The following CLRN1 variants were observed in gnomAD, a reference collection of about 807,000 sequenced individuals.
CLRN1 encodes the protein clarin-1.
CLRN1 carries 15 observed loss-of-function variants against 18.7 expected under a neutral mutation model. That is an observed-to-expected ratio of 0.80 (90% CI 0.54 to 1.23). The LOEUF (loss-of-function observed/expected upper bound fraction) is 1.23. Among genes scored for constraint, CLRN1 ranks in the 50% most tolerant of loss-of-function variants. The pLI is 0.00. For synonymous variants in CLRN1, 104 were observed against 102.9 expected (o/e 1.01, Z -0.07); for missense variants, 311 against 277.5 (o/e 1.12, Z -0.86).
In CLRN1 at chr3:150,927,051, A is replaced by G; in HGVS notation, c.*885T>C. ...ACTATAGCTAGAAAAACAGCCCCTA[A>G]TAAGTCATTTTGCATCAAATGTACT... On this transcript the variant is annotated 3_prime_UTR_variant, in exon 3 of 3. Coordinates refer to ENST00000327047, the MANE Select transcript of CLRN1 (RefSeq NM_174878.3). The G allele has an allele frequency of 3.6e-6, 4 of 1,113,300 alleles. No individual in the cohort carries two copies. Among genetic ancestry groups the G allele is most frequent in the East Asian group, 2.6e-5 (1 of 38,928 alleles). The allele number at this position is 1,113,300 out of a possible 1,614,324, so 69.0% of individuals were successfully genotyped here. A position where few individuals can be genotyped will look rare whatever the true frequency, so the allele number is the denominator to read the frequency against.
At chr3:150,926,387 G>C (rs1462005297), downstream of CLRN1, 1 of 268,420 alleles carries the variant, frequency 3.7e-6, no homozygotes, top group African/African-American at 2.2e-5. Context: ...CGCAGGAGAC[G>C]GTCCTTGTCC....
At chr3:150,943,089 C>G (rs561200609) in intron 1 of CLRN1, among the ~76,000 whole-genome samples, 2 of 152,070 alleles carry the variant, frequency 1.3e-5, no homozygotes, top group Non-Finnish European at 2.9e-5. Context: ...AAGAACTGTC[C>G]GGGTGAATTA....
In CLRN1 at chr3:150,927,778, T is replaced by C. The variant is rs571983648; in HGVS notation, c.*158A>G. On this transcript the variant is annotated 3_prime_UTR_variant, in exon 3 of 3. Transcript: ENST00000327047. ...AAAGCCTTCCTTCTGCTTCCCTTACTTTCCAGCCTGTATCCTTAGTACGTA... is the reference window on the plus strand; with the variant it reads ...AAAGCCTTCCTTCTGCTTCCCTTACCTTCCAGCCTGTATCCTTAGTACGTA... 1 of 998,158 alleles carries C rather than the reference T, an allele frequency of 1.0e-6. No homozygotes were observed. Among genetic ancestry groups the C allele is most frequent in the Admixed American group, 2.0e-5 (1 of 50,710 alleles). 61.8% of individuals were successfully genotyped at this position (998,158 alleles called of 1,614,324 possible). A position where few individuals can be genotyped will look rare whatever the true frequency, so the allele number is the denominator to read the frequency against.
In CLRN1 at chr3:150,928,149, A is replaced by T. The variant is rs1269550903; in HGVS notation, c.486T>A (p.His162Gln). Residue 162 changes from histidine (H) to glutamine (Q), a missense_variant, in exon 3 of 3, where the codon CAT (histidine) becomes CAA (glutamine). His to Gln is a conservative substitution (Grantham distance 24, BLOSUM62 0). Coordinates refer to ENST00000327047, the MANE Select transcript of CLRN1 (RefSeq NM_174878.3). ...MILFASEVKI[H>Q]HLSEKIANYK... is the part of the protein sequence containing the mutation. ...AATTTGCAATTTTTTCTGAGAGGTG[A>T]TGGATTTTCACTTCAGAGGCAAACA... 1 of 1,613,802 alleles carries T rather than the reference A, an allele frequency of 6.2e-7. No individual in the cohort carries two copies. The highest frequency in any genetic ancestry group is 1.3e-5 in the African/African-American group (1 of 74,994).
At chr3:150,933,229 C>T (rs1713255813) in intron 2 of CLRN1, among the ~76,000 whole-genome samples, 1 of 152,072 alleles carries the variant, frequency 6.6e-6, no homozygotes, top group African/African-American at 2.4e-5. Context: ...CTAAATGAAA[C>T]AGGTACAAAT....
rs1714496046 is a variant in CLRN1, at chr3:150,951,793, G to A, written c.254-10032C>T. Among the ~76,000 whole-genome samples the A allele has an allele frequency of 4.6e-5, 7 of 152,264 alleles. No individual in the cohort carries two copies. The South Asian group carries it at 1.5e-3, about 32-fold the overall frequency. ...AACACTTCACATGGCCAGAGTAGGA[G>A]AAAGAGAGAGAGGGGAGGTGCCACA... On this transcript the variant is annotated intron_variant, in intron 1 of 2. Coordinates refer to ENST00000327047, the MANE Select transcript of CLRN1 (RefSeq NM_174878.3).
intron 2 of CLRN1, among the ~76,000 whole-genome samples, chr3:150,936,157 T>C (rs1462522258): frequency 6.6e-6 from 1 of 152,204 alleles, no homozygotes; most frequent in Admixed American, 6.5e-5. Context: ...ATCCCATTTG[T>C]CAATTTTGGC....
chr3:150,927,030 T>C lies in CLRN1; in HGVS notation c.*906A>G, dbSNP rs747413984. On this transcript the variant is annotated 3_prime_UTR_variant, in exon 3 of 3. Coordinates refer to ENST00000327047, the MANE Select transcript of CLRN1 (RefSeq NM_174878.3). The stretch of plus-strand genomic sequence containing the variant: ...TTGCATATTAGTACTCGAGACACTA[T>C]AGCTAGAAAAACAGCCCCTAATAAG... The C allele has an allele frequency of 1.5e-6, 2 of 1,367,914 alleles. No homozygotes were observed. The highest frequency in any genetic ancestry group is 2.5e-5 in the East Asian group (1 of 40,068). 84.7% of individuals were successfully genotyped at this position (1,367,914 alleles called of 1,614,324 possible).
chr3:150,943,821 T>G lies in CLRN1; in HGVS notation c.254-2060A>C, dbSNP rs147904521. The G allele has an allele frequency of 1.4e-5, 22 of 1,614,044 alleles. No individual in the cohort carries two copies. The highest frequency in any genetic ancestry group is 3.4e-6 in the Non-Finnish European group (4 of 1,180,034). On this transcript the variant is annotated intron_variant, in intron 1 of 2. Transcript: ENST00000327047. ...CCCTGGGGTTGCAGGCACCCCTACC[T>G]GGTTGCTGCTGCAGGGCCTGCATGG... is the stretch of plus-strand genomic sequence containing the variant.
intron 2 of CLRN1, chr3:150,940,653 T>C: frequency 1.3e-6 from 1 of 784,852 alleles, no homozygotes; most frequent in Non-Finnish European, 2.0e-6. Context: ...GACAAAGTGT[T>C]GGATCTTTTT....
chr3:150,948,502 A>G (rs975229978), intron 1 of CLRN1, among the ~76,000 whole-genome samples: 10 of 149,816 alleles, frequency 6.7e-5, no homozygotes, highest in Non-Finnish European at 1.2e-4. Flanking sequence ...AAAAAAAAAA[A>G]AAAAAAAGAA....
rs186538112 is a variant in CLRN1, at chr3:150,969,985, C to G, written c.253+2471G>C. On this transcript the variant is annotated intron_variant, in intron 1 of 2. Transcript: ENST00000327047. Reference sequence around the variant, plus strand: ...AGTTACCTTTTCCATTCCTCTTACACTGGTAAGATTCTGTGAATTCAAATG... The same window carrying G: ...AGTTACCTTTTCCATTCCTCTTACAGTGGTAAGATTCTGTGAATTCAAATG... 7.0e-3 allele frequency among the ~76,000 whole-genome samples: 1,069 copies of G among 152,176 alleles called. 11 individuals carry two copies. Among genetic ancestry groups the G allele is most frequent in the South Asian group, 0.032 (155 of 4,816 alleles).
chr3:150,934,672 G>A (rs1455970597), intron 2 of CLRN1, among the ~76,000 whole-genome samples: 1 of 151,948 alleles, frequency 6.6e-6, no homozygotes, highest in Non-Finnish European at 1.5e-5. Context: ...CCATCAACTG[G>A]GAAACACCTA....
Position 150,951,529 on chromosome 3 carries a change from G to C in CLRN1, c.254-9768C>G, listed in dbSNP as rs1576638267. Among the ~76,000 whole-genome samples, 3 of 152,178 alleles carry C rather than the reference G, an allele frequency of 2.0e-5. 1 individual carries two copies. Among genetic ancestry groups the C allele is most frequent in the African/African-American group, 7.2e-5 (3 of 41,514 alleles). On this transcript the variant is annotated intron_variant, in intron 1 of 2. Transcript: ENST00000327047. The stretch of plus-strand genomic sequence containing the variant: ...ATTTTTATATTTTCAGTAGAGATGG[G>C]GTTTCACCATGTTGGCCAGGCTGGT...
intron 2 of CLRN1, among the ~76,000 whole-genome samples, chr3:150,931,844 A>G (rs1347014940): frequency 6.6e-6 from 1 of 152,146 alleles, no homozygotes; most frequent in Non-Finnish European, 1.5e-5. Flanking sequence ...GTGTCTGTCT[A>G]TCTGACCAAC....
rs121908140 is a variant in CLRN1, at chr3:150,928,107, A to C, written c.528T>G (p.Tyr176Ter). Reference sequence around the variant, plus strand: ...ATTTTTCACTTTGCGTTTTGTAGACATAAGTCCCTTCTTTATAATTTGCAA... The same window carrying C: ...ATTTTTCACTTTGCGTTTTGTAGACCTAAGTCCCTTCTTTATAATTTGCAA... Reference protein sequence around the residue: ...EKIANYKEGTYVYKTQSEKYT... With the variant: ...EKIANYKEGT Residue 176 changes from tyrosine (Y) to a stop codon, truncating the protein, a stop_gained, in exon 3 of 3, where the codon TAT becomes TAG. Coordinates refer to ENST00000327047, the MANE Select transcript of CLRN1 (RefSeq NM_174878.3). LOFTEE classifies it high-confidence loss of function. The C allele has an allele frequency of 2.8e-4, 453 of 1,613,604 alleles. 2 individuals are homozygous for C. The highest frequency in any genetic ancestry group is 5.2e-5 in the Non-Finnish European group (61 of 1,179,916).
At chr3:150,961,088 T>C (rs1042994876) in intron 1 of CLRN1, among the ~76,000 whole-genome samples, 1 of 152,204 alleles carries the variant, frequency 6.6e-6, no homozygotes, top group Non-Finnish European at 1.5e-5. Context: ...AAGACCTTCA[T>C]GAAAATGGAA....
At chr3:150,958,330 G>T (rs1023627916) in intron 1 of CLRN1, among the ~76,000 whole-genome samples, 2 of 152,096 alleles carry the variant, frequency 1.3e-5, no homozygotes, top group African/African-American at 4.8e-5. Context: ...CCAGTGCTTT[G>T]GTTTGGATCC....
At chr3:150,960,360 G>A (rs1388802227) in intron 1 of CLRN1, among the ~76,000 whole-genome samples, 1 of 152,142 alleles carries the variant, frequency 6.6e-6, no homozygotes, top group Non-Finnish European at 1.5e-5. Context: ...ACTGAGGGTG[G>A]GTAAGAGGGA....
Sources: gnomAD v4.1 joint callset for allele counts (sites outside exome capture counted in the v4.1 genomes callset) on GRCh38, gnomAD v4.1.1 for gene constraint, MANE v1.5 for transcripts, NCBI Gene and HGNC (gene_info 2026-07-23, HGNC 2026-07-21) for gene names.